TBC1D13: variants seen among roughly 807,000 people sequenced by gnomAD.
TBC1D13 encodes epididymis secretory sperm binding protein.
Under a neutral mutation model 53.6 loss-of-function variants are expected in TBC1D13, and 40 were observed. The ratio of observed to expected loss-of-function variants is 0.75; its 90% CI spans 0.58 to 0.97. TBC1D13 has a LOEUF of 0.97. TBC1D13 is among the 50% of genes least tolerant of loss of function. The pLI is 0.00. For missense variants in TBC1D13, 377 were observed against 499.4 expected, an observed-to-expected ratio of 0.75 and a Z score of 2.34; for synonymous variants, 182 against 197.7, an observed-to-expected ratio of 0.92 and a Z score of 0.67.
At position 128,806,287 on chromosome 9, in the gene TBC1D13, C is replaced by T. The variant is rs1286297114; in HGVS notation, c.1113C>T (p.Phe371=). The part of the protein sequence containing the change: ...LIREQLLEGD[F]TVNMRLLQDY... Reference sequence around the variant, plus strand: ...GGGAGCAGTTGCTGGAAGGGGACTTCACTGTGAATATGCGGCTGCTGCAGG... The same window carrying T: ...GGGAGCAGTTGCTGGAAGGGGACTTTACTGTGAATATGCGGCTGCTGCAGG... The change falls in exon 11 of 12, where the codon TTC becomes TTT. Residue 371 remains phenylalanine (F), a synonymous_variant. Coordinates refer to ENST00000372648, the MANE Select transcript of TBC1D13 (RefSeq NM_018201.5). 5 of 1,614,052 alleles carry T rather than the reference C, an allele frequency of 3.1e-6. No homozygotes were observed. In the African/African-American group the frequency reaches 4.0e-5, roughly 13 times the overall value.
intron 9 of TBC1D13, among the ~76,000 whole-genome samples, chr9:128,805,245 G>A (rs1829810418): frequency 6.6e-6 from 1 of 152,092 alleles, no homozygotes; most frequent in African/African-American, 2.4e-5. Context: ...GGCTGAGAGA[G>A]GAGCCCTCGA....
At chr9:128,793,776 C>A (rs1278188409) in intron 6 of TBC1D13, among the ~76,000 whole-genome samples, 1 of 152,190 alleles carries the variant, frequency 6.6e-6, no homozygotes, top group African/African-American at 2.4e-5. Context: ...CCCGCAGTGA[C>A]CCTTCAGAAT....
chr9:128,793,623 A>T (rs892337652), intron 6 of TBC1D13, among the ~76,000 whole-genome samples: 4 of 152,232 alleles, frequency 2.6e-5, no homozygotes, highest in African/African-American at 9.6e-5. Context: ...CTCCACAGAT[A>T]CGTGGGACTT....
intron 7 of TBC1D13, among the ~76,000 whole-genome samples, chr9:128,801,086 T>C (rs1195637918): frequency 2.0e-5 from 3 of 152,048 alleles, no homozygotes; most frequent in Admixed American, 6.6e-5. Context: ...GGTGGGAGAA[T>C]AGTTTGAACC....
In TBC1D13 at chr9:128,808,052, G is replaced by A. The variant is rs1335224204; in HGVS notation, c.*173G>A. The A allele has an allele frequency of 1.3e-5, 8 of 637,662 alleles. No individual in the cohort carries two copies. Among genetic ancestry groups the A allele is most frequent in the Non-Finnish European group, 2.0e-5 (7 of 354,242 alleles). The allele number at this position is 637,662 out of a possible 1,614,324, so 39.5% of individuals were successfully genotyped here. A position where few individuals can be genotyped will look rare whatever the true frequency, so the allele number is the denominator to read the frequency against. ...TGTGCCGTGCTCCTTCTGCCGCCAC[G>A]CCCAGCTCCCCACCTGCCCTGCACT... On this transcript the variant is annotated 3_prime_UTR_variant, in exon 12 of 12. Coordinates refer to ENST00000372648, the MANE Select transcript of TBC1D13 (RefSeq NM_018201.5).
Position 128,803,318 on chromosome 9 carries a change from T to C in TBC1D13, c.612T>C (p.Cys204=), listed in dbSNP as rs2132550143. ...AGTATGAGGTGCTGCCCAATGGCTG[T>C]GAGGCCCACTGGGAGGTGGTGGAGC... ...LNEYEVLPNG[C]EAHWEVVERI... is the part of the protein sequence containing the mutation. Residue 204 remains cysteine, a synonymous_variant, in exon 8 of 12, where the codon TGT becomes TGC. Coordinates refer to ENST00000372648, the MANE Select transcript of TBC1D13 (RefSeq NM_018201.5). 1 of 1,614,234 alleles carries C rather than the reference T, an allele frequency of 6.2e-7. No individual in the cohort carries two copies. The highest frequency in any genetic ancestry group is 1.3e-5 in the African/African-American group (1 of 75,064).
At chr9:128,791,573 C>T (rs1305745237) in intron 4 of TBC1D13, 21 bp from the exon 5 acceptor site, 1 of 1,613,520 alleles carries the variant, frequency 6.2e-7, no homozygotes, top group East Asian at 2.2e-5. Context: ...GGGAATCATC[C>T]TTCTCACTTG....
At chr9:128,789,823 C>G (rs911534903) in intron 2 of TBC1D13, 2 of 11,828 alleles carry the variant, frequency 1.7e-4, no homozygotes, top group African/African-American at 5.0e-4. Context: ...AATAATTCCA[C>G]TTATGACAGA....
intron 3 of TBC1D13, among the ~76,000 whole-genome samples, chr9:128,790,993 C>T (rs1231313919): frequency 6.6e-6 from 1 of 152,228 alleles, no homozygotes; most frequent in Non-Finnish European, 1.5e-5. Context: ...ATGAAGACCT[C>T]TGCTTCCTGG....
At chr9:128,788,445 G>A in intron 2 of TBC1D13, 38 bp downstream of exon 2, 5 of 1,588,086 alleles carry the variant, frequency 3.1e-6, no homozygotes, top group Non-Finnish European at 4.3e-6. Context: ...TTTCCCTACA[G>A]CAGCCCTGTG....
chr9:128,793,314 A>G (rs1020703234), intron 6 of TBC1D13, among the ~76,000 whole-genome samples: 10 of 152,238 alleles, frequency 6.6e-5, no homozygotes, highest in African/African-American at 2.2e-4. Flanking sequence ...TTGAGCTACA[A>G]TGTGTTTGTG....
At chr9:128,803,510 C>A in intron 8 of TBC1D13, 50 bp downstream of exon 8, 1 of 1,565,682 alleles carries the variant, frequency 6.4e-7, no homozygotes, top group Non-Finnish European at 8.8e-7. Flanking sequence ...CCGTGTCAGG[C>A]TGTGCACCTC....
At chr9:128,789,812 T>TATATATATATGTATATATAA (rs11269563) in intron 2 of TBC1D13, 2 of 132,396 alleles carry the variant, frequency 1.5e-5, no homozygotes, top group Non-Finnish European at 3.1e-5. Flanking sequence ...TATATATATA[T>TATATATATATGTATATATAA]AATAATTCCA....
At chr9:128,802,765 CTTG>C (rs1250562289) in intron 7 of TBC1D13, among the ~76,000 whole-genome samples, 2 of 141,040 alleles carry the variant, frequency 1.4e-5, no homozygotes, top group Non-Finnish European at 3.0e-5. Flanking sequence ...GAGACAGTGT[CTTG>C]TTGTCACCCA....
chr9:128,796,286 G>T (rs1589569647), intron 6 of TBC1D13, among the ~76,000 whole-genome samples: 1 of 151,102 alleles, frequency 6.6e-6, no homozygotes, highest in South Asian at 2.1e-4. Flanking sequence ...TTTCGCTCTT[G>T]TTGCCCAAGC....
rs188092198 is a variant in TBC1D13 at position 128,804,485 on chromosome 9, C to T, written c.918+366C>T. 5.7e-3 allele frequency among the ~76,000 whole-genome samples: 860 copies of T among 151,168 alleles called. 10 individuals are homozygous for T. Among genetic ancestry groups the T allele is most frequent in the African/African-American group, 0.02 (810 of 41,156 alleles). On this transcript the variant is annotated intron_variant, in intron 9 of 11. Transcript: ENST00000372648. ...GCAGTGGCACAATCTCGGCTCACTG[C>T]AAGCTCCACCTCCCAGGTTCATGCC...
chr9:128,799,155 G>C (rs1389072467), intron 7 of TBC1D13, among the ~76,000 whole-genome samples: 2 of 152,220 alleles, frequency 1.3e-5, no homozygotes, highest in African/African-American at 4.8e-5. Flanking sequence ...GGCTGGCTTT[G>C]TGGGCAGTAC....
intron 9 of TBC1D13, 73 bp downstream of exon 9, chr9:128,804,192 C>T (rs1351931194): frequency 5.2e-6 from 8 of 1,549,664 alleles, no homozygotes; most frequent in East Asian, 4.5e-5. Context: ...CAGCCCAGGG[C>T]GAGGTCTCGC....
Position 128,792,625 on chromosome 9 carries a change from C to T in TBC1D13, c.383+51C>T, listed in dbSNP as rs1188743044. ...GCTGGCCCATGGGACTTCTGGGGCT[C>T]TCTGCAGCTCTGTCTTTTCCATTTG... On this transcript the variant is annotated intron_variant, in intron 6 of 11. Transcript: ENST00000372648. The T allele has an allele frequency of 2.6e-6, 4 of 1,509,760 alleles. No individual in the cohort carries two copies. The East Asian group carries it at 9.3e-5, about 35-fold the overall frequency. The allele number at this position is 1,509,760 out of a possible 1,614,324, so 93.5% of individuals were successfully genotyped here. A position where few individuals can be genotyped will look rare whatever the true frequency, so the allele number is the denominator to read the frequency against.
Sources: gnomAD v4.1 joint callset for allele counts (sites outside exome capture counted in the v4.1 genomes callset) on GRCh38, gnomAD v4.1.1 for gene constraint, MANE v1.5 for transcripts, NCBI Gene and HGNC (gene_info 2026-07-23, HGNC 2026-07-21) for gene names.